The following UGT1A8 variants were observed in gnomAD, a reference collection of about 807,000 sequenced individuals.
The protein encoded by UGT1A8 is UDP-glucuronosyltransferase 1A8.
Under a neutral mutation model 45.3 loss-of-function variants are expected in UGT1A8, and 39 were observed. That is an observed-to-expected ratio of 0.86 (90% CI 0.67 to 1.12). The LOEUF is 1.12. Ranked by LOEUF, UGT1A8 falls within the 50% of genes most tolerant of loss-of-function variation. UGT1A8 has a pLI of 0.00. For missense variants in UGT1A8, 719 were observed against 664.9 expected (o/e 1.08, Z -0.90); for synonymous variants, 275 against 249.2 (o/e 1.10, Z -0.97).
At chr2:233,639,081 T>C (rs1330244456) in intron 1 of UGT1A8, among the ~76,000 whole-genome samples, 1 of 152,192 alleles carries the variant, frequency 6.6e-6, no homozygotes, top group East Asian at 1.9e-4. Context: ...CAGGGTCACC[T>C]AGAGGCCTTT....
In UGT1A8 at chr2:233,741,861, A is replaced by T. The variant is rs1406457842; in HGVS notation, c.856-25173A>T. On this transcript the variant is annotated intron_variant, in intron 1 of 4. Transcript: ENST00000373450. ...GCCTTTTGCTCTCATGCCTTATGCA[A>T]ACCTTTCCTCAGAGGTGACCCTAGA... The T allele has an allele frequency of 2.6e-5, 4 of 151,886 alleles. No individual in the cohort carries two copies. The East Asian group carries it at 7.7e-4, about 29-fold the overall frequency. The allele number at this position is 151,886 out of a possible 1,614,324, so 9.4% of individuals were successfully genotyped here.
rs28969678 is a variant in UGT1A8 at position 233,635,760 on chromosome 2, G to T, written c.855+17198G>T. ...CCTGAAAGAGGTCACTGGAGTGATG[G>T]TGTGTTTAGAATATAGAAGTAGAGC... is the stretch of plus-strand genomic sequence containing the variant. On this transcript the variant is annotated intron_variant, in intron 1 of 4. Coordinates refer to ENST00000373450, the MANE Select transcript of UGT1A8 (RefSeq NM_019076.5). Among the ~76,000 whole-genome samples the T allele has an allele frequency of 8.8e-3, 1,327 of 151,040 alleles. 99 individuals carry two copies. Among genetic ancestry groups the T allele is most frequent in the African/African-American group, 0.03 (1,238 of 40,892 alleles).
intron 1 of UGT1A8, among the ~76,000 whole-genome samples, chr2:233,653,409 G>C (rs1305797613): frequency 6.6e-6 from 1 of 152,022 alleles, no homozygotes; most frequent in Non-Finnish European, 1.5e-5. Context: ...TAAAGTAATA[G>C]GTTAAAAAAG....
intron 1 of UGT1A8, among the ~76,000 whole-genome samples, chr2:233,621,487 G>C (rs2073006334): frequency 6.6e-6 from 1 of 152,104 alleles, no homozygotes; most frequent in Non-Finnish European, 1.5e-5. Flanking sequence ...TAAGTTTCTG[G>C]CTCCAGTTTA....
chr2:233,693,835 C>G lies in UGT1A8; in HGVS notation c.856-73199C>G, dbSNP rs764583792. ...CCAACATGGTCTTCATTGGAGGTAT[C>G]AACTGTAAGAAGAGGAAAGACTTGT... is the stretch of plus-strand genomic sequence containing the variant. On this transcript the variant is annotated intron_variant, in intron 1 of 4. Transcript: ENST00000373450. 8 of 1,614,056 alleles carry G rather than the reference C, an allele frequency of 5.0e-6. No homozygotes were observed. The East Asian group carries it at 1.6e-4, about 31-fold the overall frequency.
At chr2:233,752,938 T>A (rs1691143472) in intron 1 of UGT1A8, among the ~76,000 whole-genome samples, 2 of 152,262 alleles carry the variant, frequency 1.3e-5, no homozygotes, top group South Asian at 4.1e-4. Flanking sequence ...CACTCTTTGC[T>A]GACCACTGAA....
chr2:233,686,153 A>G (rs1052829163), intron 1 of UGT1A8, among the ~76,000 whole-genome samples: 8 of 152,174 alleles, frequency 5.3e-5, no homozygotes, highest in African/African-American at 1.9e-4. Context: ...CTTGAAATGG[A>G]TCAAAGACCT....
intron 3 of UGT1A8, 59 bp from the exon 4 acceptor site, chr2:233,768,161 T>G: frequency 1.2e-6 from 2 of 1,613,420 alleles, no homozygotes; most frequent in East Asian, 2.2e-5. Flanking sequence ...AACCTAGATG[T>G]GTCCAGCTGT....
intron 1 of UGT1A8, among the ~76,000 whole-genome samples, chr2:233,745,709 C>T (rs1276912783): frequency 6.8e-6 from 1 of 146,654 alleles, no homozygotes; most frequent in Non-Finnish European, 1.5e-5. Context: ...ACAAGTGATC[C>T]AGAATGGCTG....
At chr2:233,699,723 C>T (rs894867512) in intron 1 of UGT1A8, among the ~76,000 whole-genome samples, 5 of 152,172 alleles carry the variant, frequency 3.3e-5, no homozygotes, top group East Asian at 1.9e-4. Flanking sequence ...GCATTTTTTA[C>T]GGAGCGTTTT....
chr2:233,772,383 C>T lies in UGT1A8; in HGVS notation c.1417C>T (p.Pro473Ser). The T allele has an allele frequency of 1.2e-6, 2 of 1,614,238 alleles. No individual in the cohort carries two copies. The highest frequency in any genetic ancestry group is 1.3e-5 in the African/African-American group (1 of 75,068). The change falls in exon 5 of 5, where the codon CCC becomes TCC. Residue 473 changes from proline (P) to serine (S), a missense_variant. Transcript: ENST00000373450. ...MRHKGAPHLR[P>S]AAHDLTWYQY... Reference sequence around the variant, plus strand: ...GCACAAGGGCGCGCCACACCTGCGCCCCGCAGCCCACGACCTCACCTGGTA... The same window carrying T: ...GCACAAGGGCGCGCCACACCTGCGCTCCGCAGCCCACGACCTCACCTGGTA...
intron 1 of UGT1A8, among the ~76,000 whole-genome samples, chr2:233,763,422 G>A (rs983086025): frequency 2.0e-4 from 31 of 152,076 alleles, no homozygotes; most frequent in Non-Finnish European, 4.1e-4. Context: ...ATCCAGTCAG[G>A]CAGTTGCTTT....
At chr2:233,746,276 T>A (rs1693346507) in intron 1 of UGT1A8, among the ~76,000 whole-genome samples, 1 of 151,642 alleles carries the variant, frequency 6.6e-6, no homozygotes, top group African/African-American at 2.4e-5. Flanking sequence ...GCTGTGGGGA[T>A]TCAAGGAAGG....
intron 1 of UGT1A8, among the ~76,000 whole-genome samples, chr2:233,716,626 G>A (rs1294828995): frequency 6.6e-6 from 1 of 152,106 alleles, no homozygotes; most frequent in Non-Finnish European, 1.5e-5. Flanking sequence ...TTCTAGTGAA[G>A]TTTTTATCGT....
chr2:233,680,663 G>C (rs905492713), intron 1 of UGT1A8, among the ~76,000 whole-genome samples: 17 of 152,118 alleles, frequency 1.1e-4, no homozygotes, highest in Non-Finnish European at 1.9e-4. Flanking sequence ...GCAAGGCAAA[G>C]CATGGGTGCT....
chr2:233,708,857 C>T (rs986114849), intron 1 of UGT1A8, among the ~76,000 whole-genome samples: 45 of 151,194 alleles, frequency 3.0e-4, no homozygotes, highest in African/African-American at 1.1e-3. Flanking sequence ...CTTTTTTAAT[C>T]TCTTTTATTG....
At chr2:233,700,033 A>C (rs776085773) in intron 1 of UGT1A8, among the ~76,000 whole-genome samples, 1 of 152,196 alleles carries the variant, frequency 6.6e-6, no homozygotes, top group Non-Finnish European at 1.5e-5. Context: ...AGAAACTCTG[A>C]TCTAAATCAA....
chr2:233,737,179 C>T (rs2078848793), intron 1 of UGT1A8, among the ~76,000 whole-genome samples: 1 of 152,230 alleles, frequency 6.6e-6, no homozygotes, highest in South Asian at 2.1e-4. Context: ...TCTATAGCGG[C>T]AGTAGCCCTT....
chr2:233,619,041 C>T (rs1177520162), intron 1 of UGT1A8, among the ~76,000 whole-genome samples: 1 of 152,050 alleles, frequency 6.6e-6, no homozygotes. Context: ...ATGAAACTCC[C>T]CTTTTTCCTA....
Sources: allele counts gnomAD v4.1 joint callset (sites outside exome capture counted in the v4.1 genomes callset), GRCh38; gene constraint gnomAD v4.1.1; transcripts MANE v1.5; gene names NCBI Gene and HGNC (gene_info 2026-07-23, HGNC 2026-07-21).